SNAP91: variants seen among roughly 807,000 people sequenced by gnomAD.
SNAP91 encodes synaptosome associated protein 91.
In SNAP91, 27 loss-of-function variants were observed where a neutral mutation model predicts 100.3. That is an observed-to-expected ratio of 0.27 (90% confidence interval 0.20 to 0.37). The LOEUF (loss-of-function observed/expected upper bound fraction) is 0.37, where lower values mean the gene tolerates loss of function less well. Ranked by LOEUF, SNAP91 falls within the 10% of genes least tolerant of loss-of-function variation. The pLI is 1.00. For synonymous variants in SNAP91, 404 were observed against 398.6 expected, an observed-to-expected ratio of 1.01 and a Z score of -0.16; for missense variants, 986 against 1,123.7, an observed-to-expected ratio of 0.88 and a Z score of 1.75.
At chr6:83,638,617 A>G (rs1186980406) in intron 8 of SNAP91, among the ~76,000 whole-genome samples, 1 of 152,198 alleles carries the variant, frequency 6.6e-6, no homozygotes, top group African/African-American at 2.4e-5. Context: ...TGAAAGAGGC[A>G]TTTTTTAAAA....
rs1777599825 is a variant in SNAP91, at chr6:83,556,188, G to C, written c.2689C>G (p.Pro897Ala). 1 of 1,575,184 alleles carries C rather than the reference G, an allele frequency of 6.3e-7. No individual in the cohort carries two copies. Residue 897 changes from proline (P) to alanine (A), a missense_variant, in exon 29 of 30, where the codon CCA becomes GCA. Coordinates refer to ENST00000369694, the MANE Select transcript of SNAP91 (RefSeq NM_001242792.2). ...QSPKKPPAKD[P>A]LADLNIKDFL ...TCCTTGATGTTAAGATCCGCTAATG[G>C]GTCCTTTGCTGGAGGTTTCTTGGGA...
intron 8 of SNAP91, among the ~76,000 whole-genome samples, chr6:83,634,162 G>C (rs1013418169): frequency 8.5e-5 from 13 of 152,212 alleles, no homozygotes; most frequent in African/African-American, 2.9e-4. Context: ...TCTCCCTGTG[G>C]CCTTTTCCCA....
At chr6:83,568,445 G>A (rs1432156004) in intron 26 of SNAP91, among the ~76,000 whole-genome samples, 1 of 151,012 alleles carries the variant, frequency 6.6e-6, no homozygotes, top group Non-Finnish European at 1.5e-5. Flanking sequence ...GTATACATAT[G>A]TAAGAAACCT....
At chr6:83,693,475 G>T (rs1029826861) in intron 2 of SNAP91, among the ~76,000 whole-genome samples, 19 of 152,124 alleles carry the variant, frequency 1.2e-4, no homozygotes, top group African/African-American at 4.3e-4. Context: ...AATTGAAAAA[G>T]AAACTATAAT....
chr6:83,696,834 T>C (rs755408796), intron 2 of SNAP91, among the ~76,000 whole-genome samples: 1 of 152,200 alleles, frequency 6.6e-6, no homozygotes, highest in Non-Finnish European at 1.5e-5. Flanking sequence ...CCAAAGGCCA[T>C]GCATATCTTG....
intron 11 of SNAP91, among the ~76,000 whole-genome samples, chr6:83,611,191 T>C (rs1284282040): frequency 6.6e-6 from 1 of 151,936 alleles, no homozygotes; most frequent in Non-Finnish European, 1.5e-5. Context: ...ATTCATACTC[T>C]TGAAGTCTGT....
At chr6:83,561,219 A>ATT (rs1256201267) in intron 26 of SNAP91, among the ~76,000 whole-genome samples, 1 of 151,940 alleles carries the variant, frequency 6.6e-6, no homozygotes, top group Non-Finnish European at 1.5e-5. Flanking sequence ...ATTTTTAAAA[A>ATT]TTTTTTTGTA....
chr6:83,702,385 A>AGGTAT (rs942299404), intron 2 of SNAP91, among the ~76,000 whole-genome samples: 1 of 152,184 alleles, frequency 6.6e-6, no homozygotes, highest in Non-Finnish European at 1.5e-5. Flanking sequence ...GGAGGAGGTA[A>AGGTAT]GGTATTAAAG....
chr6:83,660,580 T>C (rs2098521354), intron 5 of SNAP91, among the ~76,000 whole-genome samples: 1 of 152,180 alleles, frequency 6.6e-6, no homozygotes, highest in African/African-American at 2.4e-5. Context: ...TAGAGGGAAA[T>C]AAATGGTAAT....
At chr6:83,605,594 AT>A in intron 14 of SNAP91, 90 bp downstream of exon 14, 1 of 1,482,336 alleles carries the variant, frequency 6.7e-7, no homozygotes, top group Non-Finnish European at 9.1e-7. Flanking sequence ...ATTTTAGATA[AT>A]CAAAAGGTAA....
intron 8 of SNAP91, among the ~76,000 whole-genome samples, chr6:83,637,513 C>T (rs1159704571): frequency 6.6e-6 from 1 of 152,226 alleles, no homozygotes; most frequent in Admixed American, 6.5e-5. Context: ...GTGGGGCCCA[C>T]TCAGCTTGTG....
At chr6:83,677,094 A>C (rs1164990279) in intron 2 of SNAP91, among the ~76,000 whole-genome samples, 1 of 152,132 alleles carries the variant, frequency 6.6e-6, no homozygotes, top group East Asian at 1.9e-4. Flanking sequence ...TATCTAGTTC[A>C]TGTTTCTCTT....
At chr6:83,617,641 TATA>T (rs1411306652) in intron 9 of SNAP91, among the ~76,000 whole-genome samples, 8 of 151,114 alleles carry the variant, frequency 5.3e-5, no homozygotes, top group Admixed American at 1.3e-4. Flanking sequence ...TTTTAGCAAA[TATA>T]ATATCAGAGC....
intron 16 of SNAP91, among the ~76,000 whole-genome samples, chr6:83,598,266 A>G (rs1356384129): frequency 6.6e-6 from 1 of 152,200 alleles, no homozygotes; most frequent in Admixed American, 6.5e-5. Context: ...GTTCTGCATG[A>G]TCATAAAAAG....
intron 2 of SNAP91, among the ~76,000 whole-genome samples, chr6:83,687,457 ATAAT>A (rs2099075205): frequency 6.6e-6 from 1 of 152,228 alleles, no homozygotes; most frequent in Non-Finnish European, 1.5e-5. Context: ...GAACTTAAAA[ATAAT>A]TAATAATATG....
chr6:83,692,220 T>A (rs1240627124), intron 2 of SNAP91, among the ~76,000 whole-genome samples: 1 of 152,210 alleles, frequency 6.6e-6, no homozygotes, highest in Non-Finnish European at 1.5e-5. Context: ...AAGTTTGTTG[T>A]TGCTGTTACT....
intron 2 of SNAP91, among the ~76,000 whole-genome samples, chr6:83,701,610 C>T (rs1400385420): frequency 6.6e-6 from 1 of 152,052 alleles, no homozygotes; most frequent in African/African-American, 2.4e-5. Context: ...CCACACCTGG[C>T]TAACTTTTTT....
At chr6:83,601,243 A>C in intron 16 of SNAP91, 28 bp downstream of exon 16, 1 of 1,609,852 alleles carries the variant, frequency 6.2e-7, no homozygotes, top group Non-Finnish European at 8.5e-7. Context: ...ATCCTGAAAA[A>C]ATGAAAGTAG....
chr6:83,650,939 TAG>T (rs2098177041), intron 7 of SNAP91, among the ~76,000 whole-genome samples: 1 of 152,220 alleles, frequency 6.6e-6, no homozygotes, highest in South Asian at 2.1e-4. Flanking sequence ...GTATCTTTAA[TAG>T]ATAGAGGCCT....
Sources: gnomAD v4.1 joint callset for allele counts (sites outside exome capture counted in the v4.1 genomes callset) on GRCh38, gnomAD v4.1.1 for gene constraint, MANE v1.5 for transcripts, NCBI Gene and HGNC (gene_info 2026-07-23, HGNC 2026-07-21) for gene names.